The following CHLSN variants were observed in gnomAD, a reference collection of about 807,000 sequenced individuals.
CHLSN encodes protein cholesin.
chr7:1,015,531 TCCC>T, the CHLSN span, among the ~76,000 whole-genome samples: 2 of 152,064 alleles, frequency 1.3e-5, no homozygotes, highest in Non-Finnish European at 2.9e-5. Flanking sequence ...CCTTCCTGTT[TCCC>T]CCCAAGTCTA....
chr7:1,093,418 C>T, the CHLSN span: 2 of 460,238 alleles, frequency 4.3e-6, no homozygotes, highest in Non-Finnish European at 9.1e-6. Context: ...TGCTCTGGTG[C>T]ACGCCTGAGC....
the CHLSN span, among the ~76,000 whole-genome samples, chr7:1,070,906 ACG>A: frequency 8.5e-5 from 12 of 141,684 alleles, no homozygotes; most frequent in African/African-American, 3.0e-4. Flanking sequence ...ACACACATGC[ACG>A]CACACACACA....
At chr7:1,027,559 G>C in the CHLSN span, among the ~76,000 whole-genome samples, 1 of 152,270 alleles carries the variant, frequency 6.6e-6, no homozygotes, top group South Asian at 2.1e-4. Context: ...CAGCGGCAGA[G>C]CCTCTTGAAG....
chr7:1,129,165 G>A, the CHLSN span, among the ~76,000 whole-genome samples: 3 of 17,992 alleles, frequency 1.7e-4, no homozygotes, highest in Non-Finnish European at 9.6e-5. Flanking sequence ...ACCGTCACCC[G>A]GGCTGGAGTG....
chr7:1,023,024 C>T, the CHLSN span: 1 of 458,754 alleles, frequency 2.2e-6, no homozygotes, highest in Non-Finnish European at 4.4e-6. This position sits in a 1 kb window ranked among gnomAD's most constrained non-coding sequence, Gnocchi z 5.0. Flanking sequence ...AGCGGCCGCC[C>T]CGCCCCTGCG....
the CHLSN span, among the ~76,000 whole-genome samples, chr7:1,136,295 TAAAC>T: frequency 1.7e-5 from 2 of 116,076 alleles, no homozygotes; most frequent in African/African-American, 7.2e-5. Context: ...TAAATATATA[TAAAC>T]ATATATAAAT....
At chr7:989,915 T>C in the CHLSN span, among the ~76,000 whole-genome samples, 1 of 120,230 alleles carries the variant, frequency 8.3e-6, no homozygotes, top group Non-Finnish European at 1.7e-5. Flanking sequence ...GGTGGCGGTG[T>C]GGTCGGCAGT....
the CHLSN span, chr7:988,831 C>A: frequency 1.7e-5 from 25 of 1,513,956 alleles, no homozygotes; most frequent in African/African-American, 8.2e-5. Flanking sequence ...AGGAGCTCCC[C>A]CAGCCCCCAG....
the CHLSN span, among the ~76,000 whole-genome samples, chr7:1,118,799 CAAAAAAAAAAAA>C: frequency 6.6e-5 from 5 of 76,250 alleles, no homozygotes; most frequent in South Asian, 1.1e-3. Context: ...CCATCTCTAC[CAAAAAAAAAAAA>C]AAAAAAAAAA....
the CHLSN span, among the ~76,000 whole-genome samples, chr7:1,029,734 C>T: frequency 6.6e-6 from 1 of 152,216 alleles, no homozygotes; most frequent in African/African-American, 2.4e-5. Flanking sequence ...GGAGGCCACC[C>T]CTGCCTGGGG....
At chr7:1,036,886 T>A in the CHLSN span, among the ~76,000 whole-genome samples, 1 of 147,358 alleles carries the variant, frequency 6.8e-6, no homozygotes, top group Admixed American at 6.8e-5. Context: ...GAGGCAGGAG[T>A]ATCTCTTGAG....
chr7:1,042,521 G>C, the CHLSN span, among the ~76,000 whole-genome samples: 1 of 152,172 alleles, frequency 6.6e-6, no homozygotes, highest in Non-Finnish European at 1.5e-5. Flanking sequence ...TACTTATTGT[G>C]GTTCAGGTGG....
the CHLSN span, among the ~76,000 whole-genome samples, chr7:1,083,118 C>T: frequency 2.4e-4 from 36 of 152,086 alleles, no homozygotes; most frequent in South Asian, 4.1e-3. Context: ...CTGTAAAGTG[C>T]CCCTGGCACG....
the CHLSN span, among the ~76,000 whole-genome samples, chr7:1,016,831 AGCAGCGCACG>A: frequency 4.9e-5 from 6 of 123,578 alleles, no homozygotes; most frequent in African/African-American, 1.8e-4. Context: ...AGCAGCGCAC[AGCAGCGCACG>A]CCAGCACACA....
chr7:1,065,950 C>T, the CHLSN span, among the ~76,000 whole-genome samples: 1 of 152,198 alleles, frequency 6.6e-6, no homozygotes, highest in African/African-American at 2.4e-5. Flanking sequence ...CAGTGGCCGT[C>T]GGGGTGCCGT....
chr7:1,059,337 G>T, the CHLSN span: 1 of 155,026 alleles, frequency 6.5e-6, no homozygotes. Flanking sequence ...GTCACACGGG[G>T]TCTGGTGGGA....
chr7:1,021,764 A>G, the CHLSN span, among the ~76,000 whole-genome samples: 1 of 152,220 alleles, frequency 6.6e-6, no homozygotes, highest in African/African-American at 2.4e-5. Flanking sequence ...ATACACAAAC[A>G]GCGCACTAAA....
chr7:1,028,437 T>A, the CHLSN span: 7 of 985,272 alleles, frequency 7.1e-6, no homozygotes, highest in Non-Finnish European at 7.2e-6. Flanking sequence ...CCAGCGCGCC[T>A]GCGGGGACTG....
At chr7:987,307 G>T in the CHLSN span, 1 of 1,531,936 alleles carries the variant, frequency 6.5e-7, no homozygotes, top group East Asian at 2.4e-5. Context: ...CAGGGACGAG[G>T]GATGGCGCTG....
Sources: allele counts gnomAD v4.1 joint callset (sites outside exome capture counted in the v4.1 genomes callset), GRCh38; gene constraint gnomAD v4.1.1; non-coding constraint Gnocchi (gnomAD v3.1); transcripts MANE v1.5; gene names NCBI Gene and HGNC (gene_info 2026-07-23, HGNC 2026-07-21).